Variants in OR3A2 observed in about 807,000 individuals in gnomAD.
The protein encoded by OR3A2 is olfactory receptor 3A2.
For synonymous variants in OR3A2, 126 were observed against 159.3 expected, an observed-to-expected ratio of 0.79 and a Z score of 1.57; for missense variants, 318 against 392.8, an observed-to-expected ratio of 0.81 and a Z score of 1.61.
At chr17:3,315,890 G>A (rs929427372) in intron 3 of OR3A2, among the ~76,000 whole-genome samples, 4 of 151,938 alleles carry the variant, frequency 2.6e-5, no homozygotes, top group African/African-American at 9.7e-5. Context: ...AGCCCACCTT[G>A]TTCACTTGAT....
At chr17:3,279,925 A>G (rs2048766693) in intron 1 of OR3A2, among the ~76,000 whole-genome samples, 1 of 152,190 alleles carries the variant, frequency 6.6e-6, no homozygotes, top group South Asian at 2.1e-4. Context: ...AGCCAAGTAC[A>G]TTTCTTCAAG....
chr17:3,312,532 G>C (rs756115588), intron 3 of OR3A2, among the ~76,000 whole-genome samples: 2 of 152,198 alleles, frequency 1.3e-5, no homozygotes, highest in Non-Finnish European at 2.9e-5. Context: ...CAGTGCATGA[G>C]CCTATTCTCA....
intron 2 of OR3A2, among the ~76,000 whole-genome samples, chr17:3,374,885 A>C (rs999872619): frequency 6.6e-6 from 1 of 151,648 alleles, no homozygotes; most frequent in Non-Finnish European, 1.5e-5. Context: ...CCAAGTCCCC[A>C]AAGTCCATTG....
At chr17:3,296,281 C>T (rs1241038596) in intron 3 of OR3A2, among the ~76,000 whole-genome samples, 1 of 151,800 alleles carries the variant, frequency 6.6e-6, no homozygotes, top group Admixed American at 6.6e-5. Flanking sequence ...AGAATATCTG[C>T]AGGAGAAGAA....
intron 2 of OR3A2, among the ~76,000 whole-genome samples, chr17:3,356,652 T>G (rs1567566324): frequency 6.6e-6 from 1 of 151,532 alleles, no homozygotes; most frequent in Non-Finnish European, 1.5e-5. Flanking sequence ...ATTGTAGTAA[T>G]TAGTAGCAGA....
chr17:3,346,375 A>G (rs745907295), intron 2 of OR3A2, among the ~76,000 whole-genome samples: 2 of 152,174 alleles, frequency 1.3e-5, no homozygotes, highest in Non-Finnish European at 2.9e-5. Context: ...AAGTTGATCC[A>G]ACCAGAGTGA....
chr17:3,361,626 A>G (rs2049517588), intron 2 of OR3A2, among the ~76,000 whole-genome samples: 2 of 151,628 alleles, frequency 1.3e-5, no homozygotes, highest in African/African-American at 2.4e-5. Flanking sequence ...TTAGCATGAA[A>G]GGTTGTTGAA....
intron 3 of OR3A2, among the ~76,000 whole-genome samples, chr17:3,330,706 A>C (rs1471220814): frequency 6.6e-6 from 1 of 151,640 alleles, no homozygotes; most frequent in African/African-American, 2.4e-5. Flanking sequence ...CATTTAGTCC[A>C]TTTACATTTA....
chr17:3,298,869 C>A (rs1306870585), intron 3 of OR3A2, among the ~76,000 whole-genome samples: 2 of 152,174 alleles, frequency 1.3e-5, no homozygotes, highest in Non-Finnish European at 2.9e-5. Context: ...GTCATCTATC[C>A]ACTGCCGTGT....
At chr17:3,385,899 C>T (rs1170364025) in intron 1 of OR3A2, 6 of 398,592 alleles carry the variant, frequency 1.5e-5, no homozygotes, top group Non-Finnish European at 2.7e-5. Flanking sequence ...CTCCTCCCTC[C>T]CCTCGGCATT....
chr17:3,336,558 A>C (rs1196056706), intron 2 of OR3A2, among the ~76,000 whole-genome samples: 1 of 152,236 alleles, frequency 6.6e-6, no homozygotes, highest in East Asian at 1.9e-4. Context: ...TACTAAATCC[A>C]TTAATGGTAG....
chr17:3,325,396 G>A (rs1184494407), intron 3 of OR3A2, among the ~76,000 whole-genome samples: 2 of 151,906 alleles, frequency 1.3e-5, no homozygotes, highest in East Asian at 3.9e-4. Flanking sequence ...TTTTAGTAGA[G>A]ATGCGGTTTC....
At chr17:3,281,939 G>A (rs1012814266) in intron 1 of OR3A2, among the ~76,000 whole-genome samples, 8 of 152,074 alleles carry the variant, frequency 5.3e-5, no homozygotes, top group Admixed American at 1.3e-4. Context: ...TTTCCTTAGC[G>A]CCTCCCAGGT....
intron 2 of OR3A2, among the ~76,000 whole-genome samples, chr17:3,378,968 C>T (rs1022640046): frequency 6.6e-6 from 1 of 152,156 alleles, no homozygotes; most frequent in African/African-American, 2.4e-5. Flanking sequence ...CTCAATTTAC[C>T]AGGGAGAAAG....
intron 3 of OR3A2, among the ~76,000 whole-genome samples, chr17:3,300,492 G>C (rs537827146): frequency 2.8e-4 from 42 of 152,304 alleles, no homozygotes; most frequent in African/African-American, 9.6e-4. Context: ...CTGGGAGGCA[G>C]AGGTTGCAGT....
chr17:3,340,689 T>A (rs1191489927), intron 2 of OR3A2, among the ~76,000 whole-genome samples: 1 of 152,212 alleles, frequency 6.6e-6, no homozygotes, highest in African/African-American at 2.4e-5. Context: ...TCCAACTATG[T>A]GGTCAATTTT....
intron 2 of OR3A2, among the ~76,000 whole-genome samples, chr17:3,355,323 T>C (rs2049456933): frequency 6.6e-6 from 1 of 151,452 alleles, no homozygotes. Flanking sequence ...ATTTGTTCCA[T>C]GGTGAAGATT....
At chr17:3,378,531 C>T (rs1265625788) in intron 2 of OR3A2, among the ~76,000 whole-genome samples, 3 of 152,102 alleles carry the variant, frequency 2.0e-5, no homozygotes, top group Admixed American at 6.5e-5. Context: ...GCTGCAGCTG[C>T]GCCTAGGAGT....
chr17:3,380,410 T>C (rs983320075), intron 2 of OR3A2, among the ~76,000 whole-genome samples: 3 of 152,094 alleles, frequency 2.0e-5, no homozygotes, highest in Non-Finnish European at 4.4e-5. Context: ...GTTCTCCGGG[T>C]GCTGCTTTCC....
Sources: gnomAD v4.1 joint callset for allele counts (sites outside exome capture counted in the v4.1 genomes callset) on GRCh38, gnomAD v4.1.1 for gene constraint, MANE v1.5 for transcripts, NCBI Gene and HGNC (gene_info 2026-07-23, HGNC 2026-07-21) for gene names.